The following GRTP1 variants were observed in gnomAD, a reference collection of about 807,000 sequenced individuals.
GRTP1 encodes growth hormone regulated TBC protein 1.
GRTP1 carries 56 observed loss-of-function variants against 38.1 expected under a neutral mutation model. The ratio of observed to expected loss-of-function variants is 1.47; its 90% CI spans 1.19 to 1.84. GRTP1 has a LOEUF of 1.84. GRTP1 is among the 40% of genes most tolerant of loss of function. The pLI, the probability that GRTP1 is intolerant of heterozygous loss-of-function variation, is 0.00. For missense variants in GRTP1, 506 were observed against 453.9 expected, an observed-to-expected ratio of 1.11 and a Z score of -1.04; for synonymous variants, 217 against 189.5, an observed-to-expected ratio of 1.14 and a Z score of -1.19.
rs769591252 is a variant in GRTP1, at chr13:113,350,861, C to T, written c.453G>A (p.Val151=). Residue 151 remains valine (V), a synonymous_variant, in exon 4 of 8, where the codon GTG becomes GTA. Coordinates refer to ENST00000375431, the MANE Select transcript of GRTP1 (RefSeq NM_024719.4). The part of the protein sequence containing the change: ...LLAYGHHNQG[V]GYCQGMNFIA... ...TCCCGAGGCTCACCTGGCAGTAGCC[C>T]ACTCCCTGGTTATGGTGCCCATATG... 1.0e-5 allele frequency: 16 copies of T among 1,575,702 alleles called. No individual in the cohort carries two copies. The highest frequency in any genetic ancestry group is 1.4e-5 in the Non-Finnish European group (16 of 1,152,822).
At chr13:113,329,134 C>T (rs1366566143) in intron 5 of GRTP1, among the ~76,000 whole-genome samples, 4 of 152,226 alleles carry the variant, frequency 2.6e-5, no homozygotes, top group East Asian at 1.9e-4. Context: ...ATTCAGTCTT[C>T]GGCCAGTCCC....
chr13:113,353,192 G>A (rs1207072710), intron 3 of GRTP1, among the ~76,000 whole-genome samples: 1 of 146,568 alleles, frequency 6.8e-6, no homozygotes, highest in Non-Finnish European at 1.5e-5. Flanking sequence ...GCTGAAAGCA[G>A]GGGCCCAGCC....
Position 113,325,912 on chromosome 13 carries a change from C to T in GRTP1, c.735+7G>A, listed in dbSNP as rs374537844. 1.9e-5 allele frequency: 31 copies of T among 1,613,830 alleles called. No homozygotes were observed. The highest frequency in any genetic ancestry group is 4.4e-5 in the South Asian group (4 of 91,080). ...CGCCCGCCCCAGGGCCCGAGTGAGG[C>T]GCTCACCTCCACGGGCAAGATGTCC... On this transcript the variant is annotated splice_region_variant and intron_variant, in intron 6 of 7. Coordinates refer to ENST00000375431, the MANE Select transcript of GRTP1 (RefSeq NM_024719.4).
intron 5 of GRTP1, among the ~76,000 whole-genome samples, chr13:113,338,511 T>C (rs962950746): frequency 6.6e-6 from 1 of 151,956 alleles, no homozygotes; most frequent in African/African-American, 2.4e-5. Context: ...GTGCAGGCCT[T>C]GGGCGGGGAG....
chr13:113,346,020 GC>G (rs2043103469), intron 4 of GRTP1, among the ~76,000 whole-genome samples: 1 of 92,198 alleles, frequency 1.1e-5, no homozygotes, highest in African/African-American at 4.0e-5. Context: ...CTGCGGCTGA[GC>G]AGACCTGGGA....
chr13:113,324,596 GT>G lies in GRTP1; in HGVS notation c.922-20del. On this transcript the variant is annotated intron_variant, in intron 7 of 7. Coordinates refer to ENST00000375431, the MANE Select transcript of GRTP1 (RefSeq NM_024719.4). ...ATATTTTCTGGAAGGCAAACAGTTAGTTTAAAAACAAACCCAACAACCCATT... is the reference window on the plus strand; with the variant it reads ...ATATTTTCTGGAAGGCAAACAGTTAGTTAAAAACAAACCCAACAACCCATT... 1 of 1,587,258 alleles carries G rather than the reference GT, an allele frequency of 6.3e-7. No homozygotes were observed. Among genetic ancestry groups the G allele is most frequent in the Non-Finnish European group, 8.6e-7 (1 of 1,166,756 alleles).
rs186209582 is a variant in GRTP1 at position 113,342,331 on chromosome 13, C to T, written c.562+2532G>A. ...CCATCCTGGCTAACACGGTGAAACCCCATCTCTACTAAAAATACAAAAAAA... is the reference window on the plus strand; with the variant it reads ...CCATCCTGGCTAACACGGTGAAACCTCATCTCTACTAAAAATACAAAAAAA... On this transcript the variant is annotated intron_variant, in intron 5 of 7. Transcript: ENST00000375431. The surrounding 1 kb of genome is among the most constrained non-coding windows in gnomAD (Gnocchi z 4.5). Among the ~76,000 whole-genome samples, 1,048 of 151,902 alleles carry T rather than the reference C, an allele frequency of 6.9e-3. 8 individuals are homozygous for T. Among genetic ancestry groups the T allele is most frequent in the Non-Finnish European group, 0.011 (757 of 67,970 alleles).
chr13:113,325,470 C>T lies in GRTP1; in HGVS notation c.921+191G>A, dbSNP rs551631763. On this transcript the variant is annotated intron_variant, in intron 7 of 7. Coordinates refer to ENST00000375431, the MANE Select transcript of GRTP1 (RefSeq NM_024719.4). Reference sequence around the variant, plus strand: ...AGTGCCAGGGCCAAGAAGACAGGGCCGCCATAGACAGGAAAGCCCTCGGAG... The same window carrying T: ...AGTGCCAGGGCCAAGAAGACAGGGCTGCCATAGACAGGAAAGCCCTCGGAG... The T allele has an allele frequency of 5.4e-5, 79 of 1,453,322 alleles. 1 individual carries two copies. Among genetic ancestry groups the T allele is most frequent in the Middle Eastern group, 2.4e-4 (1 of 4,144 alleles). The allele number at this position is 1,453,322 out of a possible 1,614,324, so 90.0% of individuals were successfully genotyped here.
At position 113,324,374 on chromosome 13, in the gene GRTP1, G is replaced by A; in HGVS notation, c.*114C>T. ...TTAAAAAATTCACAACTAAAGTGTA[G>A]TGATGTCAAGTATTTACAACACTAA... On this transcript the variant is annotated 3_prime_UTR_variant, in exon 8 of 8. Transcript: ENST00000375431. 3 of 1,363,934 alleles carry A rather than the reference G, an allele frequency of 2.2e-6. No homozygotes were observed. The Admixed American group carries it at 1.1e-4, about 49-fold the overall frequency. 84.5% of individuals were successfully genotyped at this position (1,363,934 alleles called of 1,614,324 possible).
chr13:113,325,709 C>A lies in GRTP1; in HGVS notation c.873G>T (p.Lys291Asn), dbSNP rs1448896829. 1 of 1,614,230 alleles carries A rather than the reference C, an allele frequency of 6.2e-7. No homozygotes were observed. Among genetic ancestry groups the A allele is most frequent in the East Asian group, 2.2e-5 (1 of 44,878 alleles). The change falls in exon 7 of 8, where the codon AAG (lysine) becomes AAT (asparagine). Residue 291 changes from lysine to asparagine, a missense_variant. Transcript: ENST00000375431. Reference protein sequence around the residue: ...TSVPDICDKFKQITKGSFVME... With the variant: ...TSVPDICDKFNQITKGSFVME... ...TCACGAAACTCCCTTTGGTTATCTG[C>A]TTAAACTTATCGCAAATGTCTGGAA...
At position 113,342,380 on chromosome 13, in the gene GRTP1, C is replaced by T. The variant is rs933513250; in HGVS notation, c.562+2483G>A. On this transcript the variant is annotated intron_variant, in intron 5 of 7. Transcript: ENST00000375431. This position sits in a 1 kb window ranked among gnomAD's most constrained non-coding sequence, Gnocchi z 4.5. ...AAAATTGGCCAGGCGTAGTGGCGGG[C>T]GCCTGTAGTCCCAGCTACTCGGGAG... Among the ~76,000 whole-genome samples, 8 of 151,524 alleles carry T rather than the reference C, an allele frequency of 5.3e-5. No homozygotes were observed. The highest frequency in any genetic ancestry group is 1.0e-4 in the Non-Finnish European group (7 of 67,602).
intron 3 of GRTP1, among the ~76,000 whole-genome samples, chr13:113,354,090 T>G (rs756738762): frequency 5.9e-5 from 9 of 152,020 alleles, no homozygotes; most frequent in Non-Finnish European, 1.3e-4. Context: ...ATAAAAAAAT[T>G]CATCCAAAAA....
intron 5 of GRTP1, among the ~76,000 whole-genome samples, chr13:113,329,626 T>C (rs2042828451): frequency 6.6e-6 from 1 of 152,182 alleles, no homozygotes; most frequent in South Asian, 2.1e-4. Flanking sequence ...CTGCAAGATG[T>C]GTGGAAATTC....
intron 5 of GRTP1, among the ~76,000 whole-genome samples, chr13:113,328,529 C>G (rs2042809374): frequency 1.3e-5 from 2 of 151,132 alleles, no homozygotes; most frequent in South Asian, 4.2e-4. Flanking sequence ...AAGACTCAAA[C>G]AATTTTTTGA....
intron 7 of GRTP1, 131 bp from the exon 8 acceptor site, chr13:113,324,708 G>A (rs781074532): frequency 2.1e-6 from 3 of 1,442,708 alleles, no homozygotes; most frequent in South Asian, 1.5e-5. Context: ...AAGGGCTTCT[G>A]GGGTGACCCA....
At chr13:113,355,885 G>A (rs990246246) in intron 2 of GRTP1, among the ~76,000 whole-genome samples, 1 of 152,320 alleles carries the variant, frequency 6.6e-6, no homozygotes, top group South Asian at 2.1e-4. Flanking sequence ...CAGGTGGGAC[G>A]CCACAGCTGG....
At chr13:113,350,281 C>T (rs138352199) in intron 4 of GRTP1, among the ~76,000 whole-genome samples, 16 of 152,192 alleles carry the variant, frequency 1.1e-4, no homozygotes, top group African/African-American at 2.6e-4. Context: ...AGGTGGCCTC[C>T]GGGAGGCGCA....
intron 5 of GRTP1, among the ~76,000 whole-genome samples, chr13:113,332,841 CAG>C (rs1299402455): frequency 2.6e-5 from 4 of 152,206 alleles, no homozygotes; most frequent in East Asian, 1.9e-4. Context: ...CCACAGGACT[CAG>C]GGGCCAACCA....
chr13:113,333,233 C>G (rs1252649019), intron 5 of GRTP1, among the ~76,000 whole-genome samples: 1 of 152,202 alleles, frequency 6.6e-6, no homozygotes, highest in Non-Finnish European at 1.5e-5. Flanking sequence ...TTCCCACGCA[C>G]AGACCGAAGG....
Sources: gnomAD v4.1 joint callset for allele counts (sites outside exome capture counted in the v4.1 genomes callset) on GRCh38, gnomAD v4.1.1 for gene constraint, Gnocchi (gnomAD v3.1) non-coding constraint, MANE v1.5 for transcripts, NCBI Gene and HGNC (gene_info 2026-07-23, HGNC 2026-07-21) for gene names.